Variants in TMEM135 observed in about 807,000 individuals in gnomAD.
The protein encoded by TMEM135 is transmembrane protein 135.
Under a neutral mutation model 60.3 loss-of-function variants are expected in TMEM135, and 30 were observed. That is an observed-to-expected ratio of 0.50 (90% CI 0.37 to 0.68). The LOEUF (loss-of-function observed/expected upper bound fraction) is 0.68. TMEM135 is among the 30% of genes least tolerant of loss of function. The pLI is 0.00. For missense variants in TMEM135, 468 were observed against 548.8 expected (o/e 0.85, Z 1.47); for synonymous variants, 190 against 186.7 (o/e 1.02, Z -0.14).
intron 6 of TMEM135, among the ~76,000 whole-genome samples, chr11:87,289,647 G>T (rs1043927105): frequency 2.6e-5 from 4 of 151,754 alleles, no homozygotes; most frequent in African/African-American, 7.3e-5. Context: ...GTTAGAGACG[G>T]GTTTCACCAT....
chr11:87,087,079 G>A (rs867525366), intron 3 of TMEM135, among the ~76,000 whole-genome samples: 2 of 152,080 alleles, frequency 1.3e-5, no homozygotes, highest in African/African-American at 2.4e-5. Context: ...TTGAGGCTCC[G>A]GTTGCATGAC....
At chr11:87,247,933 AC>A (rs1453206614) in intron 6 of TMEM135, among the ~76,000 whole-genome samples, 12 of 150,166 alleles carry the variant, frequency 8.0e-5, no homozygotes, top group Admixed American at 4.0e-4. Context: ...TGCAGAAATC[AC>A]CCGTCTTCTG....
rs1007498578 is a variant in TMEM135, at chr11:87,325,408, G to C, written c.*4075G>C. ...AAGAATGTGTGCTATTTTACACACA[G>C]AAGAAAATGATTGACTTTTGGTTGG... On this transcript the variant is annotated 3_prime_UTR_variant, in exon 15 of 15. Transcript: ENST00000305494. 8.8e-6 allele frequency: 4 copies of C among 453,928 alleles called. No homozygotes were observed. The highest frequency in any genetic ancestry group is 6.0e-5 in the African/African-American group (3 of 49,990). The allele number at this position is 453,928 out of a possible 1,614,324, so 28.1% of individuals were successfully genotyped here. A position where few individuals can be genotyped will look rare whatever the true frequency, so the allele number is the denominator to read the frequency against.
intron 4 of TMEM135, among the ~76,000 whole-genome samples, chr11:87,118,019 T>C (rs533768309): frequency 6.6e-6 from 1 of 152,326 alleles, no homozygotes; most frequent in Non-Finnish European, 1.5e-5. Flanking sequence ...ACATTAATCT[T>C]GTACATCCAA....
chr11:87,053,417 T>C (rs1462272640), intron 1 of TMEM135, among the ~76,000 whole-genome samples: 1 of 152,164 alleles, frequency 6.6e-6, no homozygotes, highest in Admixed American at 6.6e-5. Flanking sequence ...AAAAATGTGG[T>C]AAGACCTTGA....
At chr11:87,179,792 C>G (rs1939468596) in intron 5 of TMEM135, among the ~76,000 whole-genome samples, 1 of 152,218 alleles carries the variant, frequency 6.6e-6, no homozygotes. Context: ...GAGCAAGACT[C>G]TGTCCCGTGC....
chr11:87,121,883 G>A (rs546197704), intron 4 of TMEM135, among the ~76,000 whole-genome samples: 8 of 152,098 alleles, frequency 5.3e-5, no homozygotes, highest in Admixed American at 1.3e-4. Flanking sequence ...CAGGTGATGC[G>A]CTCGCCTAAG....
chr11:87,119,129 A>G lies in TMEM135; in HGVS notation c.396+27734A>G, dbSNP rs574925581. Among the ~76,000 whole-genome samples the G allele has an allele frequency of 8.5e-5, 13 of 152,318 alleles. No homozygotes were observed. In the South Asian group the frequency reaches 2.3e-3, roughly 27 times the overall value. ...GCTCTGGCCTATCTTGGCTTTCAAC[A>G]TGCTTTCCTCACTAAGCTTAATTAT... On this transcript the variant is annotated intron_variant, in intron 4 of 14. Transcript: ENST00000305494.
chr11:87,241,205 C>T (rs1226168419), intron 6 of TMEM135, among the ~76,000 whole-genome samples: 5 of 151,960 alleles, frequency 3.3e-5, no homozygotes, highest in African/African-American at 1.2e-4. Flanking sequence ...TGTGATTATT[C>T]TTGAACATCT....
intron 5 of TMEM135, among the ~76,000 whole-genome samples, chr11:87,174,442 A>G (rs531307892): frequency 2.8e-4 from 42 of 152,224 alleles, no homozygotes; most frequent in African/African-American, 9.6e-4. Context: ...TTGGTTTTCA[A>G]AGTGTATACT....
chr11:87,162,643 C>T (rs1252992241), intron 5 of TMEM135, among the ~76,000 whole-genome samples: 1 of 152,056 alleles, frequency 6.6e-6, no homozygotes, highest in Non-Finnish European at 1.5e-5. Flanking sequence ...GGGTTGTTTC[C>T]AAGTCTTTGC....
chr11:87,167,732 G>A (rs561875995), intron 5 of TMEM135, among the ~76,000 whole-genome samples: 85 of 152,140 alleles, frequency 5.6e-4, no homozygotes, highest in Admixed American at 1.3e-3. Context: ...GAGGATTTTC[G>A]CATCGATGTT....
At chr11:87,201,488 G>C (rs1362203882) in intron 5 of TMEM135, among the ~76,000 whole-genome samples, 1 of 152,114 alleles carries the variant, frequency 6.6e-6, no homozygotes, top group Non-Finnish European at 1.5e-5. Flanking sequence ...TCAATACAAA[G>C]TAACCTTGGC....
At chr11:87,067,928 T>C (rs995327711) in intron 2 of TMEM135, 107 bp downstream of exon 2, 11 of 1,350,890 alleles carry the variant, frequency 8.1e-6, no homozygotes, top group South Asian at 2.4e-5. Flanking sequence ...CCGCCCCCCC[T>C]TTTTTTAATC....
chr11:87,321,188 C>G lies in TMEM135; in HGVS notation c.1245-13C>G. On this transcript the variant is annotated splice_polypyrimidine_tract_variant and intron_variant, in intron 14 of 14. Transcript: ENST00000305494. ...TATATTAATACTTGTTTACTGTATT[C>G]TTTGTTTTACAGATTTGCTGTCATG... 3 of 1,607,872 alleles carry G rather than the reference C, an allele frequency of 1.9e-6. No individual in the cohort carries two copies. The South Asian group carries it at 3.3e-5, about 18-fold the overall frequency.
intron 5 of TMEM135, among the ~76,000 whole-genome samples, chr11:87,199,932 A>G (rs1181619603): frequency 2.6e-5 from 4 of 152,158 alleles, no homozygotes; most frequent in South Asian, 4.1e-4. Flanking sequence ...TCCATCTCAT[A>G]AATAAATAAA....
chr11:87,128,917 G>A (rs1937815734), intron 4 of TMEM135, among the ~76,000 whole-genome samples: 1 of 151,704 alleles, frequency 6.6e-6, no homozygotes, highest in African/African-American at 2.4e-5. Context: ...CAGTATATAA[G>A]CTTAAGTTGA....
intron 5 of TMEM135, among the ~76,000 whole-genome samples, chr11:87,161,651 CAG>C (rs1417490505): frequency 1.3e-5 from 2 of 152,134 alleles, no homozygotes; most frequent in African/African-American, 2.4e-5. Context: ...ACAGCAGTGA[CAG>C]AGAGTCACTG....
chr11:87,193,824 A>G (rs1431135377), intron 5 of TMEM135, among the ~76,000 whole-genome samples: 2 of 149,666 alleles, frequency 1.3e-5, no homozygotes, highest in Admixed American at 6.7e-5. Flanking sequence ...GTCATACATT[A>G]TACTTGTTTT....
Sources: gnomAD v4.1 joint callset for allele counts (sites outside exome capture counted in the v4.1 genomes callset) on GRCh38, gnomAD v4.1.1 for gene constraint, MANE v1.5 for transcripts, NCBI Gene and HGNC (gene_info 2026-07-23, HGNC 2026-07-21) for gene names.